The following SCAF4 variants were observed in gnomAD, a reference collection of about 807,000 sequenced individuals.
SCAF4 encodes SR-related CTD associated factor 4.
A neutral mutation model predicts 129.8 loss-of-function variants in SCAF4; 25 were observed. That is an observed-to-expected ratio of 0.19 (90% CI 0.14 to 0.27). SCAF4 has a LOEUF of 0.27. Ranked by LOEUF, SCAF4 falls within the 10% of genes least tolerant of loss-of-function variation. SCAF4 has a pLI of 1.00. For synonymous variants in SCAF4, 551 were observed against 497.7 expected (o/e 1.11, Z -1.43); for missense variants, 1,246 against 1,457.1 (o/e 0.86, Z 2.36).
At chr21:31,724,026 T>C (rs964231963) in intron 1 of SCAF4, among the ~76,000 whole-genome samples, 8 of 152,308 alleles carry the variant, frequency 5.3e-5, no homozygotes, top group Middle Eastern at 3.4e-3. Context: ...TGCACTTTAC[T>C]GGAATATAGG....
chr21:31,691,303 C>T (rs2123528105), intron 14 of SCAF4, among the ~76,000 whole-genome samples: 1 of 152,304 alleles, frequency 6.6e-6, no homozygotes, highest in Non-Finnish European at 1.5e-5. Context: ...TCTAGGGGTG[C>T]CTTGTAATTA....
chr21:31,703,668 A>G, intron 4 of SCAF4, 97 bp downstream of exon 4: 1 of 652,746 alleles, frequency 1.5e-6, no homozygotes, highest in Middle Eastern at 4.7e-4. Context: ...CTACATGAAA[A>G]TCTTATCTGG....
At chr21:31,677,038 C>A (rs998954573) in intron 19 of SCAF4, among the ~76,000 whole-genome samples, 2 of 152,140 alleles carry the variant, frequency 1.3e-5, no homozygotes, top group Admixed American at 1.3e-4. Context: ...TTTTTTATTA[C>A]TAATATTCCG....
At chr21:31,709,183 T>C (rs2123621761) in intron 1 of SCAF4, among the ~76,000 whole-genome samples, 1 of 152,218 alleles carries the variant, frequency 6.6e-6, no homozygotes, top group South Asian at 2.1e-4. Context: ...TCCCCATCAC[T>C]GTGGGGGTGG....
intron 19 of SCAF4, among the ~76,000 whole-genome samples, chr21:31,676,346 CCAAA>C (rs923374284): frequency 1.3e-5 from 2 of 152,170 alleles, no homozygotes; most frequent in Non-Finnish European, 2.9e-5. Flanking sequence ...TCTCCTTTCC[CCAAA>C]CAATCTTCAA....
At chr21:31,674,127 C>T (rs1171069585) in intron 19 of SCAF4, among the ~76,000 whole-genome samples, 1 of 152,150 alleles carries the variant, frequency 6.6e-6, no homozygotes, top group Non-Finnish European at 1.5e-5. Context: ...AAGTATCTGA[C>T]AGTGGCCAAA....
chr21:31,673,975 C>T lies in SCAF4; in HGVS notation c.2489-1621G>A, dbSNP rs182916501. ...GTGGCCAAGCCAAATTATAATATAA[C>T]ACCAGAAAAACGGGGGAAACAGTTT... On this transcript the variant is annotated intron_variant, in intron 19 of 19. Transcript: ENST00000286835. Among the ~76,000 whole-genome samples, 379 of 152,294 alleles carry T rather than the reference C, an allele frequency of 2.5e-3. 1 individual carries two copies. The highest frequency in any genetic ancestry group is 8.8e-3 in the African/African-American group (366 of 41,556).
intron 2 of SCAF4, 121 bp downstream of exon 2, chr21:31,706,153 C>T (rs1349510663): frequency 2.9e-6 from 2 of 682,804 alleles, no homozygotes; most frequent in Non-Finnish European, 5.1e-6. Flanking sequence ...TCAGCAAAGG[C>T]TGGTTAGGGC....
At position 31,696,122 on chromosome 21, in the gene SCAF4, C is replaced by A; in HGVS notation, c.1059G>T (p.Met353Ile). The A allele has an allele frequency of 6.2e-7, 1 of 1,608,604 alleles. No individual in the cohort carries two copies. The highest frequency in any genetic ancestry group is 1.1e-5 in the South Asian group (1 of 90,918). Reference sequence around the variant, plus strand: ...AGAAAAATGCTTGTACCTGATGGTGCATTGGATCCTGTTGTATTCCCATCA... The same window carrying A: ...AGAAAAATGCTTGTACCTGATGGTGAATTGGATCCTGTTGTATTCCCATCA... ...PRMMGIQQDP[M>I]HHQVPLPPNG... Residue 353 changes from methionine (M) to isoleucine (I), a missense_variant, in exon 9 of 20, where the codon ATG (methionine) becomes ATT (isoleucine). Met to Ile is a conservative substitution (Grantham distance 10, BLOSUM62 1). Transcript: ENST00000286835.
At position 31,731,701 on chromosome 21, in the gene SCAF4, T is replaced by TGCG. The variant is rs775097112; in HGVS notation, c.-12_-10dup. The TGCG allele has an allele frequency of 2.5e-6, 4 of 1,581,086 alleles. No homozygotes were observed. Among genetic ancestry groups the TGCG allele is most frequent in the South Asian group, 2.3e-5 (2 of 88,560 alleles). On this transcript the variant is annotated 5_prime_UTR_variant, in exon 1 of 20. Coordinates refer to ENST00000286835, the MANE Select transcript of SCAF4 (RefSeq NM_020706.2). ...GCGTTGACGGCGTCCATGTTCGCGCTGCGGCGGCGGCTGCTCCGGGCCCGC... is the reference window on the plus strand; with the variant it reads ...GCGTTGACGGCGTCCATGTTCGCGCTGCGGCGGCGGCGGCTGCTCCGGGCCCGC...
At chr21:31,728,144 C>CA (rs1396620009) in intron 1 of SCAF4, among the ~76,000 whole-genome samples, 1 of 152,176 alleles carries the variant, frequency 6.6e-6, no homozygotes, top group Non-Finnish European at 1.5e-5. Flanking sequence ...TGCTATTCTA[C>CA]ACCCCCTTCC....
rs143067455 is a variant in SCAF4, at chr21:31,675,342, T to C, written c.2489-2988A>G. On this transcript the variant is annotated intron_variant, in intron 19 of 19. Coordinates refer to ENST00000286835, the MANE Select transcript of SCAF4 (RefSeq NM_020706.2). Reference sequence around the variant, plus strand: ...TTTGATAGATCCTTCTGGCAAGTAGTGTATAGGATAGCTAAGAGGGGAAGG... The same window carrying C: ...TTTGATAGATCCTTCTGGCAAGTAGCGTATAGGATAGCTAAGAGGGGAAGG... 2.4e-3 allele frequency among the ~76,000 whole-genome samples: 364 copies of C among 152,244 alleles called. 2 individuals carry two copies. Among genetic ancestry groups the C allele is most frequent in the African/African-American group, 8.3e-3 (346 of 41,540 alleles).
chr21:31,683,106 T>C lies in SCAF4; in HGVS notation c.2488+1943A>G, dbSNP rs2050033373. ...AACCCTTCTGGATTTAGAATAGCCT[T>C]CAATTTTAAAATTCTGTTTTAGAAC... On this transcript the variant is annotated intron_variant, in intron 19 of 19. Coordinates refer to ENST00000286835, the MANE Select transcript of SCAF4 (RefSeq NM_020706.2). 1.3e-5 allele frequency among the ~76,000 whole-genome samples: 2 copies of C among 152,218 alleles called. 1 individual carries two copies. The highest frequency in any genetic ancestry group is 4.1e-4 in the South Asian group (2 of 4,826).
At chr21:31,687,801 T>C (rs1013655713) in intron 16 of SCAF4, among the ~76,000 whole-genome samples, 2 of 152,108 alleles carry the variant, frequency 1.3e-5, no homozygotes, top group African/African-American at 4.8e-5. Context: ...AATATACATT[T>C]ATTTTGGTTG....
intron 9 of SCAF4, among the ~76,000 whole-genome samples, chr21:31,695,429 T>G (rs2050361289): frequency 6.6e-6 from 1 of 152,160 alleles, no homozygotes; most frequent in Non-Finnish European, 1.5e-5. Flanking sequence ...CATACCCAAC[T>G]TTTAGAGTTT....
rs1601174393 is a variant in SCAF4 at position 31,675,885 on chromosome 21, G to T, written c.2489-3531C>A. 2.0e-5 allele frequency among the ~76,000 whole-genome samples: 3 copies of T among 152,114 alleles called. No homozygotes were observed. The South Asian group carries it at 6.2e-4, about 32-fold the overall frequency. ...AGAACAAGTACATTAAAGGGCTACG[G>T]GGGAGGTGGGAGAAAGGAAGGTTGA... On this transcript the variant is annotated intron_variant, in intron 19 of 19. Coordinates refer to ENST00000286835, the MANE Select transcript of SCAF4 (RefSeq NM_020706.2).
chr21:31,672,159 C>A lies in SCAF4; in HGVS notation c.2684G>T (p.Gly895Val). The A allele has an allele frequency of 6.2e-7, 1 of 1,605,068 alleles. No individual in the cohort carries two copies. The highest frequency in any genetic ancestry group is 8.5e-7 in the Non-Finnish European group (1 of 1,173,678). ...ATGAGGTGGAGGCATCGCAAAGCCC[C>A]CTGGTCCTGGCGGTGGGCCTCTGTG... ...MMHRGPPPGP[G>V]GFAMPPPHGM... Residue 895 changes from glycine to valine, a missense_variant, in exon 20 of 20, where the codon GGG (glycine) becomes GTG (valine). By Grantham distance (109) the Gly-to-Val change is moderately radical (BLOSUM62 -3). Transcript: ENST00000286835.
chr21:31,717,793 G>A (rs1490360960), intron 1 of SCAF4, among the ~76,000 whole-genome samples: 1 of 133,876 alleles, frequency 7.5e-6, no homozygotes, highest in Non-Finnish European at 1.6e-5. Flanking sequence ...CATACACTGT[G>A]CAAAAAAAAA....
chr21:31,709,361 AAAAGAAAG>A (rs1555851528), intron 1 of SCAF4, among the ~76,000 whole-genome samples: 3 of 151,422 alleles, frequency 2.0e-5, no homozygotes, highest in Middle Eastern at 3.4e-3. Flanking sequence ...AAAAAAAAAA[AAAAGAAAG>A]AAAGAAAGAA....
Sources: allele counts gnomAD v4.1 joint callset (sites outside exome capture counted in the v4.1 genomes callset), GRCh38; gene constraint gnomAD v4.1.1; transcripts MANE v1.5; gene names NCBI Gene and HGNC (gene_info 2026-07-23, HGNC 2026-07-21).